The following XRRA1 variants were observed in gnomAD, a reference collection of about 807,000 sequenced individuals.
XRRA1 encodes X-ray radiation resistance-associated protein 1.
XRRA1 carries 69 observed loss-of-function variants against 80.2 expected under a neutral mutation model. The observed-to-expected ratio is 0.86, with a 90% CI of 0.71 to 1.05. The LOEUF is 1.05. Among genes scored for constraint, XRRA1 ranks in the 50% least tolerant of loss-of-function variants. XRRA1 has a pLI of 0.00. For missense variants in XRRA1, 967 were observed against 976.4 expected, an observed-to-expected ratio of 0.99 and a Z score of 0.13; for synonymous variants, 348 against 389.9, an observed-to-expected ratio of 0.89 and a Z score of 1.27.
intron 10 of XRRA1, among the ~76,000 whole-genome samples, chr11:74,884,797 T>C (rs1217291252): frequency 6.6e-6 from 1 of 152,162 alleles, no homozygotes; most frequent in Non-Finnish European, 1.5e-5. Context: ...GAGGGAAATT[T>C]ATAGCATTAA....
rs115550930 is a variant in XRRA1 at position 74,907,426 on chromosome 11, A to G, written c.657-153T>C. 9.1e-3 allele frequency among the ~76,000 whole-genome samples: 1,382 copies of G among 152,312 alleles called. 27 individuals are homozygous for G. The highest frequency in any genetic ancestry group is 0.031 in the African/African-American group (1,306 of 41,552). The stretch of plus-strand genomic sequence containing the variant: ...AAGAGGTCCCCATAGGGATGCACAG[A>G]AAGTATAATTCCTTCCCCACCTTCT... On this transcript the variant is annotated intron_variant, in intron 8 of 18. Coordinates refer to ENST00000684022, the MANE Select transcript of XRRA1 (RefSeq NM_001378157.1).
intron 10 of XRRA1, among the ~76,000 whole-genome samples, chr11:74,879,305 C>G (rs1342268833): frequency 6.6e-6 from 1 of 151,828 alleles, no homozygotes; most frequent in Non-Finnish European, 1.5e-5. Flanking sequence ...GATTTTTGTA[C>G]ATTGACTTTG....
chr11:74,870,640 T>G (rs904959677), intron 10 of XRRA1, among the ~76,000 whole-genome samples: 1 of 152,210 alleles, frequency 6.6e-6, no homozygotes, highest in Non-Finnish European at 1.5e-5. Flanking sequence ...CCGCTTGCTC[T>G]GGAGATCACA....
At chr11:74,878,151 C>T (rs1216098853) in intron 10 of XRRA1, among the ~76,000 whole-genome samples, 1 of 151,722 alleles carries the variant, frequency 6.6e-6, no homozygotes, top group African/African-American at 2.4e-5. Flanking sequence ...TAATGATTGC[C>T]ATTCTAACTG....
intron 5 of XRRA1, among the ~76,000 whole-genome samples, chr11:74,931,275 T>C (rs1297178256): frequency 4.6e-5 from 7 of 152,170 alleles, no homozygotes; most frequent in Non-Finnish European, 8.8e-5. Flanking sequence ...CCTGTGTCGA[T>C]ATATGCTGCT....
intron 1 of XRRA1, among the ~76,000 whole-genome samples, 182 bp downstream of exon 1, chr11:74,948,746 G>C (rs1948176641): frequency 6.6e-6 from 1 of 152,144 alleles, no homozygotes; most frequent in Non-Finnish European, 1.5e-5. Context: ...CAGTAAACGC[G>C]AGTTCTCCGT....
At chr11:74,948,304 T>G (rs947787671) in intron 1 of XRRA1, among the ~76,000 whole-genome samples, 1 of 151,360 alleles carries the variant, frequency 6.6e-6, no homozygotes, top group African/African-American at 2.4e-5. Context: ...GTTAGTACAA[T>G]ATTGGTGCTC....
chr11:74,867,725 AC>A (rs2043759110), intron 10 of XRRA1, among the ~76,000 whole-genome samples: 1 of 152,098 alleles, frequency 6.6e-6, no homozygotes, highest in Admixed American at 6.5e-5. Context: ...AATGCAGAGA[AC>A]CCCTGTGAAA....
chr11:74,910,509 A>G (rs1327078815), intron 8 of XRRA1, among the ~76,000 whole-genome samples: 1 of 152,224 alleles, frequency 6.6e-6, no homozygotes, highest in Non-Finnish European at 1.5e-5. Flanking sequence ...GACAAAAAAA[A>G]TAGCAAGAAA....
intron 7 of XRRA1, among the ~76,000 whole-genome samples, chr11:74,921,789 A>C (rs1391173537): frequency 2.0e-5 from 3 of 152,106 alleles, no homozygotes; most frequent in African/African-American, 7.2e-5. Flanking sequence ...GGTACTTATC[A>C]AAGTCGGCTA....
rs1166382309 is a variant in XRRA1 at position 74,881,831 on chromosome 11, T to C, written c.1004-18810A>G. Among the ~76,000 whole-genome samples, 757 of 149,578 alleles carry C rather than the reference T, an allele frequency of 5.1e-3. 5 individuals carry two copies. The highest frequency in any genetic ancestry group is 0.018 in the African/African-American group (716 of 40,526). On this transcript the variant is annotated intron_variant, in intron 10 of 18. Transcript: ENST00000684022. The stretch of plus-strand genomic sequence containing the variant: ...TCTTTTCTTTAAGAATGTTGAATAT[T>C]GGCCCCCACTCTCTTCTGGCTTGTA...
chr11:74,927,501 GAGAA>G lies in XRRA1; in HGVS notation c.425-17_425-14del, dbSNP rs1461535343. 6.6e-7 allele frequency: 1 copy of G among 1,525,964 alleles called. No individual in the cohort carries two copies. Among genetic ancestry groups the G allele is most frequent in the African/African-American group, 1.4e-5 (1 of 73,110 alleles). The allele number at this position is 1,525,964 out of a possible 1,614,324, so 94.5% of individuals were successfully genotyped here. On this transcript the variant is annotated splice_polypyrimidine_tract_variant and intron_variant, in intron 6 of 18. Coordinates refer to ENST00000684022, the MANE Select transcript of XRRA1 (RefSeq NM_001378157.1). Reference sequence around the variant, plus strand: ...GTGTGAAATGCCTCTACATGGGGAAGAGAAAGAGAGAGTCTGCAGCTTGTAAAGG... The same window carrying G: ...GTGTGAAATGCCTCTACATGGGGAAGAGAGAGAGTCTGCAGCTTGTAAAGG...
At position 74,851,974 on chromosome 11, in the gene XRRA1, T is replaced by A; in HGVS notation, c.1264+15A>T. 6.2e-7 allele frequency: 1 copy of A among 1,611,710 alleles called. No homozygotes were observed. The highest frequency in any genetic ancestry group is 1.7e-5 in the Admixed American group (1 of 60,010). On this transcript the variant is annotated intron_variant, in intron 13 of 18. Coordinates refer to ENST00000684022, the MANE Select transcript of XRRA1 (RefSeq NM_001378157.1). ...GGCACTGGGTTGAGAGGGGGCAGGT[T>A]TGCGGGCACTATACCTCGTGTATGG...
intron 10 of XRRA1, among the ~76,000 whole-genome samples, chr11:74,896,547 C>T (rs79160831): frequency 0.028 from 4,272 of 152,232 alleles, 185 homozygotes; most frequent in African/African-American, 0.098. Flanking sequence ...TGACTCCACT[C>T]GCTGGCTCCC....
At chr11:74,923,963 C>T (rs1478927802) in intron 7 of XRRA1, among the ~76,000 whole-genome samples, 1 of 152,054 alleles carries the variant, frequency 6.6e-6, no homozygotes, top group Non-Finnish European at 1.5e-5. Flanking sequence ...AAGTGATCCT[C>T]CTGCCTCAGC....
intron 13 of XRRA1, 61 bp downstream of exon 13, chr11:74,851,928 A>T: frequency 7.1e-7 from 1 of 1,401,250 alleles, no homozygotes; most frequent in Non-Finnish European, 1.0e-6. Flanking sequence ...GGTGGGGATG[A>T]GGGTGCCACA....
At chr11:74,882,275 G>A (rs1267828040) in intron 10 of XRRA1, among the ~76,000 whole-genome samples, 2 of 151,548 alleles carry the variant, frequency 1.3e-5, no homozygotes, top group African/African-American at 4.8e-5. Flanking sequence ...TTCCATCGCT[G>A]ATACCCTTTC....
At position 74,844,318 on chromosome 11, in the gene XRRA1, T is replaced by TC. The variant is rs766611957; in HGVS notation, c.1928-36dup. 5.3e-6 allele frequency: 8 copies of TC among 1,504,202 alleles called. No individual in the cohort carries two copies. In the African/African-American group the frequency reaches 6.9e-5, roughly 13 times the overall value. The allele number at this position is 1,504,202 out of a possible 1,614,324, so 93.2% of individuals were successfully genotyped here. A position where few individuals can be genotyped will look rare whatever the true frequency, so the allele number is the denominator to read the frequency against. On this transcript the variant is annotated intron_variant, in intron 16 of 18. Transcript: ENST00000684022. ...GAAGGCAAGACTGAGTCAAGGCACT[T>TC]CCCCCTCCTCCTCCCAGATGCCTCC...
rs1468918011 is a variant in XRRA1, at chr11:74,940,790, T to C, written c.89A>G (p.Glu30Gly). ...FPARNLLRVP[E>G]EGQGHWLVVQ... is the part of the protein sequence containing the mutation. Reference sequence around the variant, plus strand: ...TATTTGAGAAGTCACCTGACCTTCCTCCGGCACGCGAAGCAGATTTCTGGC... The same window carrying C: ...TATTTGAGAAGTCACCTGACCTTCCCCCGGCACGCGAAGCAGATTTCTGGC... Residue 30 changes from glutamate to glycine, a missense_variant, in exon 3 of 19, where the codon GAG (glutamate) becomes GGG (glycine). Physicochemically the swap from Glu to Gly is moderately conservative, Grantham distance 98 (BLOSUM62 -2). Transcript: ENST00000684022. 1.9e-6 allele frequency: 3 copies of C among 1,604,060 alleles called. No homozygotes were observed. The highest frequency in any genetic ancestry group is 1.7e-4 in the Middle Eastern group (1 of 6,050).
Sources: gnomAD v4.1 joint callset for allele counts (sites outside exome capture counted in the v4.1 genomes callset) on GRCh38, gnomAD v4.1.1 for gene constraint, MANE v1.5 for transcripts, NCBI Gene and HGNC (gene_info 2026-07-23, HGNC 2026-07-21) for gene names.